Variants in SAMD5 observed in about 807,000 individuals in gnomAD.
The protein encoded by SAMD5 is sterile alpha motif domain containing 5.
In SAMD5, 13 loss-of-function variants were observed where a neutral mutation model predicts 11.3. That is an observed-to-expected ratio of 1.15 (90% CI 0.75 to 1.83). The LOEUF is 1.83. SAMD5 is among the 40% of genes most tolerant of loss of function. SAMD5 has a pLI of 0.00. For missense variants in SAMD5, 255 were observed against 239.1 expected (o/e 1.07, Z -0.44); for synonymous variants, 129 against 111.3 (o/e 1.16, Z -1.00).
At chr6:147,632,393 A>C (rs10872601) in intron 1 of SAMD5, among the ~76,000 whole-genome samples, 60,087 of 152,136 alleles carry the variant, frequency 0.39, 13,058 homozygotes, top group Middle Eastern at 0.51. Context: ...CTTTTGCAAG[A>C]GTGAGGGCTC....
At chr6:147,860,890 T>A in the SAMD5 span, among the ~76,000 whole-genome samples, 2 of 152,166 alleles carry the variant, frequency 1.3e-5, no homozygotes, top group Non-Finnish European at 2.9e-5. Context: ...ATCAGCTGAG[T>A]CATATTTTTC....
the SAMD5 span, among the ~76,000 whole-genome samples, chr6:147,793,683 C>A: frequency 6.6e-6 from 1 of 152,060 alleles, no homozygotes; most frequent in Admixed American, 6.6e-5. Context: ...TTACTTCTTA[C>A]CCTTTTTGAC....
chr6:147,623,135 G>A (rs1201620265), intron 1 of SAMD5, among the ~76,000 whole-genome samples: 1 of 152,170 alleles, frequency 6.6e-6, no homozygotes, highest in Non-Finnish European at 1.5e-5. Context: ...CATCTAGCCT[G>A]GCTAAATTTG....
Position 147,699,330 on chromosome 6 carries a change from C to T in SAMD5, c.163-37987C>T, listed in dbSNP as rs900962955. ...AATGAATTACTGCTTTAAGAAGACA[C>T]TGCCTTCTTGCAGAAATGATGCTTT... is the stretch of plus-strand genomic sequence containing the variant. On this transcript the variant is annotated intron_variant, in intron 1 of 1. Transcript: ENST00000566741. Among the ~76,000 whole-genome samples the T allele has an allele frequency of 2.6e-5, 4 of 152,240 alleles. 1 individual carries two copies. The South Asian group carries it at 6.2e-4, about 24-fold the overall frequency.
chr6:147,718,699 CT>C (rs869293588), intron 1 of SAMD5, among the ~76,000 whole-genome samples: 1 of 138,250 alleles, frequency 7.2e-6, no homozygotes, highest in African/African-American at 2.7e-5. Context: ...CGTTTTTTTT[CT>C]TTTTTTTGGA....
At chr6:147,683,767 A>T (rs1483371684) in intron 1 of SAMD5, among the ~76,000 whole-genome samples, 1 of 152,194 alleles carries the variant, frequency 6.6e-6, no homozygotes, top group African/African-American at 2.4e-5. Flanking sequence ...ATTACAAATG[A>T]CAACAGTAGA....
At chr6:147,739,915 G>C (rs531957725), downstream of SAMD5, among the ~76,000 whole-genome samples, 18 of 152,210 alleles carry the variant, frequency 1.2e-4, 1 homozygote, top group South Asian at 3.3e-3. Context: ...TGCCTCCCGG[G>C]TTCAAGCAAT....
chr6:147,691,923 A>T (rs760373116), intron 1 of SAMD5, among the ~76,000 whole-genome samples: 1 of 152,088 alleles, frequency 6.6e-6, no homozygotes, highest in African/African-American at 2.4e-5. Context: ...AACACTTGCA[A>T]TTTGAAGAGT....
intron 1 of SAMD5, among the ~76,000 whole-genome samples, chr6:147,687,491 C>G (rs1034428003): frequency 2.6e-5 from 4 of 151,844 alleles, no homozygotes; most frequent in Non-Finnish European, 5.9e-5. Flanking sequence ...TGCCCAGGCT[C>G]AAACTCCTGG....
chr6:147,578,622 T>C (rs935966011), intron 1 of SAMD5, among the ~76,000 whole-genome samples: 2 of 152,164 alleles, frequency 1.3e-5, no homozygotes, highest in African/African-American at 4.8e-5. Context: ...ATAGTAGACA[T>C]GGAGAATGAT....
chr6:147,568,811 G>T lies in SAMD5; in HGVS notation c.*4355G>T, dbSNP rs1789085014. ...TTCTTTGATTAAAAAATCATCTTCAGCTTTACATTATTAATCTCTGAGGAC... is the reference window on the plus strand; with the variant it reads ...TTCTTTGATTAAAAAATCATCTTCATCTTTACATTATTAATCTCTGAGGAC... On this transcript the variant is annotated 3_prime_UTR_variant, in exon 2 of 2. Transcript: ENST00000367474. 1.0e-6 allele frequency: 1 copy of T among 953,724 alleles called. No individual in the cohort carries two copies. The highest frequency in any genetic ancestry group is 4.9e-5 in the South Asian group (1 of 20,606). The allele number at this position is 953,724 out of a possible 1,614,324, so 59.1% of individuals were successfully genotyped here.
chr6:147,872,823 C>T, the SAMD5 span, among the ~76,000 whole-genome samples: 4 of 152,284 alleles, frequency 2.6e-5, no homozygotes, highest in South Asian at 4.1e-4. Flanking sequence ...GTCAGTACCA[C>T]CTGATGCCAT....
chr6:147,928,573 C>A, the SAMD5 span, among the ~76,000 whole-genome samples: 1 of 151,986 alleles, frequency 6.6e-6, no homozygotes, highest in African/African-American at 2.4e-5. Flanking sequence ...CTTTATTAGT[C>A]TAGCTGGTGG....
At chr6:147,857,058 C>T in the SAMD5 span, among the ~76,000 whole-genome samples, 2 of 151,738 alleles carry the variant, frequency 1.3e-5, no homozygotes, top group South Asian at 4.1e-4. Context: ...AGATTCCTGC[C>T]ATCAATATTT....
chr6:147,652,622 ATCTCG>A (rs1790501791), intron 1 of SAMD5, among the ~76,000 whole-genome samples: 1 of 152,148 alleles, frequency 6.6e-6, no homozygotes, highest in Non-Finnish European at 1.5e-5. Context: ...GGGGCTCCTC[ATCTCG>A]GATCCCTATG....
intron 1 of SAMD5, among the ~76,000 whole-genome samples, chr6:147,649,194 A>G (rs1790446834): frequency 6.6e-6 from 1 of 152,190 alleles, no homozygotes; most frequent in South Asian, 2.1e-4. Flanking sequence ...CATTCTGGCC[A>G]CCAGAACTAT....
chr6:147,687,489 C>T (rs1430845638), intron 1 of SAMD5, among the ~76,000 whole-genome samples: 1 of 151,898 alleles, frequency 6.6e-6, no homozygotes, highest in East Asian at 1.9e-4. Flanking sequence ...TTTGCCCAGG[C>T]TCAAACTCCT....
chr6:147,690,105 A>T (rs777405722), intron 1 of SAMD5, among the ~76,000 whole-genome samples: 3 of 152,178 alleles, frequency 2.0e-5, no homozygotes, highest in Non-Finnish European at 4.4e-5. Flanking sequence ...GAGACATGTT[A>T]TAAGTAAATA....
chr6:147,912,792 A>T, the SAMD5 span, among the ~76,000 whole-genome samples: 11 of 152,164 alleles, frequency 7.2e-5, no homozygotes, highest in Admixed American at 6.5e-4. Flanking sequence ...GATTTTCAGG[A>T]TAAAGTGTTA....
Sources: allele counts gnomAD v4.1 joint callset (sites outside exome capture counted in the v4.1 genomes callset), GRCh38; gene constraint gnomAD v4.1.1; transcripts MANE v1.5; gene names NCBI Gene and HGNC (gene_info 2026-07-23, HGNC 2026-07-21).